The following ESRRG variants were observed in gnomAD, a reference collection of about 807,000 sequenced individuals.
The protein encoded by ESRRG is estrogen-related receptor gamma.
A neutral mutation model predicts 44.0 loss-of-function variants in ESRRG; 13 were observed. That is an observed-to-expected ratio of 0.30 (90% CI 0.19 to 0.47). The LOEUF (loss-of-function observed/expected upper bound fraction) is 0.47, where lower values mean the gene tolerates loss of function less well. Among genes scored for constraint, ESRRG ranks in the 20% least tolerant of loss-of-function variants. The pLI is 1.00. For missense variants in ESRRG, 395 were observed against 580.6 expected, an observed-to-expected ratio of 0.68 and a Z score of 3.29; for synonymous variants, 215 against 214.6, an observed-to-expected ratio of 1.00 and a Z score of -0.02.
In ESRRG at chr1:216,996,029, A is replaced by G. The variant is rs76814770; in HGVS notation, c.-105-56356T>C. ...TAATAACCTTTGTAGAAGGGCTTTT[A>G]TTAACAAAAAAAAAATTAAGGGCAG... On this transcript the variant is annotated intron_variant, in intron 1 of 7. Coordinates refer to the ESRRG transcript ENST00000359162. Among the ~76,000 whole-genome samples the G allele has an allele frequency of 4.3e-3, 652 of 152,250 alleles. 7 individuals carry two copies. The highest frequency in any genetic ancestry group is 0.015 in the African/African-American group (619 of 41,550).
intron 1 of ESRRG, among the ~76,000 whole-genome samples, chr1:217,107,970 A>T (rs2092617863): frequency 6.6e-6 from 1 of 152,130 alleles, no homozygotes; most frequent in African/African-American, 2.4e-5. Flanking sequence ...CTCTATTTAA[A>T]GCATGTCATT....
At chr1:217,131,223 C>T (rs1197239828) in intron 1 of ESRRG, among the ~76,000 whole-genome samples, 1 of 151,858 alleles carries the variant, frequency 6.6e-6, no homozygotes, top group African/African-American at 2.4e-5. Context: ...TTTTAAACAC[C>T]TCAAAGAAAA....
At chr1:216,833,541 G>A (rs1368468922) in intron 2 of ESRRG, among the ~76,000 whole-genome samples, 1 of 152,162 alleles carries the variant, frequency 6.6e-6, no homozygotes, top group Non-Finnish European at 1.5e-5. Flanking sequence ...CATCGTTTCT[G>A]TGACAAATTT....
intron 2 of ESRRG, among the ~76,000 whole-genome samples, chr1:216,789,753 A>C (rs1444523782): frequency 6.6e-6 from 1 of 152,178 alleles, no homozygotes; most frequent in Non-Finnish European, 1.5e-5. Context: ...TATTCTTCAC[A>C]ATCTCACATT....
chr1:216,641,611 A>C (rs1441920561), intron 3 of ESRRG, among the ~76,000 whole-genome samples: 1 of 152,262 alleles, frequency 6.6e-6, no homozygotes, highest in Non-Finnish European at 1.5e-5. Context: ...TCAGCCAGAG[A>C]CTAAAGCTAT....
chr1:216,526,435 C>T (rs551933762), intron 5 of ESRRG, among the ~76,000 whole-genome samples: 48 of 152,174 alleles, frequency 3.2e-4, no homozygotes, highest in Admixed American at 3.9e-4. Context: ...ATACTACCTA[C>T]AAGCCAAGGG....
intron 5 of ESRRG, among the ~76,000 whole-genome samples, chr1:216,534,702 C>A (rs529821587): frequency 6.6e-6 from 1 of 152,218 alleles, no homozygotes; most frequent in South Asian, 2.1e-4. Flanking sequence ...GTGAATTAAG[C>A]ATTTCCATAA....
At chr1:216,947,444 A>T (rs1230310564) in intron 1 of ESRRG, among the ~76,000 whole-genome samples, 1 of 152,352 alleles carries the variant, frequency 6.6e-6, no homozygotes, top group East Asian at 1.9e-4. Flanking sequence ...GTCAAATACC[A>T]AAGTCAAAAT....
intron 1 of ESRRG, among the ~76,000 whole-genome samples, chr1:217,015,376 A>G (rs1160859730): frequency 6.6e-6 from 1 of 152,208 alleles, no homozygotes; most frequent in Non-Finnish European, 1.5e-5. Flanking sequence ...TCAGATGTAC[A>G]CTACCTAAAC....
chr1:217,137,482 C>T (rs1231335602), intron 1 of ESRRG, among the ~76,000 whole-genome samples: 1 of 152,228 alleles, frequency 6.6e-6, no homozygotes, highest in African/African-American at 2.4e-5. Context: ...GCGAAGACCG[C>T]GCCTGGGGCT....
intron 2 of ESRRG, among the ~76,000 whole-genome samples, chr1:216,907,087 G>A (rs1030061608): frequency 6.6e-6 from 1 of 152,152 alleles, no homozygotes. Flanking sequence ...TCCAAGAGCT[G>A]GAATATTCTG....
chr1:216,594,988 C>T (rs1359324259), intron 3 of ESRRG, among the ~76,000 whole-genome samples: 1 of 152,176 alleles, frequency 6.6e-6, no homozygotes, highest in African/African-American at 2.4e-5. Flanking sequence ...CTTCAACCAT[C>T]CTGCAGAAAG....
chr1:216,858,274 A>G (rs1281678881), intron 2 of ESRRG, among the ~76,000 whole-genome samples: 2 of 137,154 alleles, frequency 1.5e-5, no homozygotes, highest in African/African-American at 5.5e-5. Context: ...TGTCTCTACT[A>G]AAAAAAAAAA....
At chr1:216,936,587 C>G (rs1191727954) in intron 2 of ESRRG, 1 of 151,760 alleles carries the variant, frequency 6.6e-6, no homozygotes, top group Non-Finnish European at 1.5e-5. Flanking sequence ...CAATTTTAAA[C>G]TCCAAGCATG....
intron 2 of ESRRG, among the ~76,000 whole-genome samples, chr1:216,901,942 T>G (rs2059128213): frequency 1.3e-5 from 2 of 152,008 alleles, no homozygotes; most frequent in Admixed American, 1.3e-4. Context: ...TTTTATTTTT[T>G]TATAGAGATG....
intron 3 of ESRRG, among the ~76,000 whole-genome samples, chr1:216,569,099 A>C (rs1296390410): frequency 8.5e-6 from 1 of 117,582 alleles, no homozygotes; most frequent in East Asian, 2.7e-4. Context: ...GAAGGAAGGA[A>C]GGAAGGAAGG....
chr1:216,677,142 A>C lies in ESRRG; in HGVS notation c.406T>G (p.Ser136Ala). The change falls in exon 2 of 7, where the codon TCT becomes GCT. Residue 136 changes from serine (S) to alanine (A), a missense_variant. This residue lies in a region of ESRRG where 35 missense variants were observed against 120.1 expected (regional missense o/e 0.29). Transcript: ENST00000408911. ...GATGCTACCCCATAGTGGTACCCAG[A>C]AGCGATGTCACCACACACTAAACAC... ...RLCLVCGDIA[S>A]GYHYGVASCE... 1 of 1,614,114 alleles carries C rather than the reference A, an allele frequency of 6.2e-7. No individual in the cohort carries two copies. The highest frequency in any genetic ancestry group is 1.7e-5 in the Admixed American group (1 of 60,026).
At chr1:216,728,730 A>G (rs977143703) in intron 2 of ESRRG, among the ~76,000 whole-genome samples, 1 of 152,112 alleles carries the variant, frequency 6.6e-6, no homozygotes, top group Non-Finnish European at 1.5e-5. Context: ...GTTCAATACA[A>G]ATTTAAAAGC....
rs115061222 is a variant in ESRRG, at chr1:217,084,597, A to C, written c.-106+4910T>G. 8.4e-3 allele frequency among the ~76,000 whole-genome samples: 1,278 copies of C among 152,288 alleles called. 18 individuals are homozygous for C. The highest frequency in any genetic ancestry group is 0.029 in the African/African-American group (1,207 of 41,572). On this transcript the variant is annotated intron_variant, in intron 1 of 7. Transcript: ENST00000359162. ...TACTTCACATAATGTTGGCAACCTG[A>C]ATTTAAATCTTCAAACTAGTAAACA...
Sources: allele counts gnomAD v4.1 joint callset (sites outside exome capture counted in the v4.1 genomes callset), GRCh38; gene constraint gnomAD v4.1.1; regional missense constraint gnomAD v4.1.1; transcripts MANE v1.5; gene names NCBI Gene and HGNC (gene_info 2026-07-23, HGNC 2026-07-21).